The following AGMO variants were observed in gnomAD, a reference collection of about 807,000 sequenced individuals.
The protein encoded by AGMO is glyceryl-ether monooxygenase.
A neutral mutation model predicts 60.2 loss-of-function variants in AGMO; 75 were observed. That is an observed-to-expected ratio of 1.25 (90% CI 1.03 to 1.51). The LOEUF (loss-of-function observed/expected upper bound fraction) is 1.51. Ranked by LOEUF, AGMO falls within the 40% of genes most tolerant of loss-of-function variation. AGMO has a pLI of 0.00. For synonymous variants in AGMO, 261 were observed against 177.1 expected, an observed-to-expected ratio of 1.47 and a Z score of -3.76; for missense variants, 763 against 525.5, an observed-to-expected ratio of 1.45 and a Z score of -4.42.
chr7:15,273,287 C>T (rs1336333713), intron 12 of AGMO, among the ~76,000 whole-genome samples: 1 of 152,100 alleles, frequency 6.6e-6, no homozygotes, highest in Non-Finnish European at 1.5e-5. Flanking sequence ...TTCAATCCAC[C>T]TTGAATTAAT....
chr7:15,493,365 C>CACACA (rs1783125333), intron 3 of AGMO, among the ~76,000 whole-genome samples: 2 of 66,652 alleles, frequency 3.0e-5, no homozygotes, highest in Non-Finnish European at 5.4e-5. Context: ...ACACACACTT[C>CACACA]TTTTTTTTTT....
At position 15,247,744 on chromosome 7, in the gene AGMO, G is replaced by A. The variant is rs987573065; in HGVS notation, c.1264-46385C>T. Among the ~76,000 whole-genome samples, 11 of 151,934 alleles carry A rather than the reference G, an allele frequency of 7.2e-5. No individual in the cohort carries two copies. In the South Asian group the frequency reaches 1.5e-3, roughly 20 times the overall value. ...TTATTATATACTTTAAATACTACCA[G>A]TGAAAGATTTAATTATTCATTTTTT... On this transcript the variant is annotated intron_variant, in intron 12 of 12. Transcript: ENST00000342526.
At chr7:15,418,702 A>G (rs1448087540) in intron 4 of AGMO, 49 bp from the exon 5 acceptor site, 5 of 1,128,780 alleles carry the variant, frequency 4.4e-6, no homozygotes, top group African/African-American at 3.2e-5. Flanking sequence ...TGAATTCTCA[A>G]TGCTTTGTTA....
chr7:15,375,445 G>A (rs1464042617), intron 10 of AGMO, among the ~76,000 whole-genome samples: 1 of 139,990 alleles, frequency 7.1e-6, no homozygotes, highest in East Asian at 2.1e-4. Flanking sequence ...GCCTAGGCTG[G>A]AGTGCAGTAG....
At chr7:15,300,707 A>T (rs957075934) in intron 12 of AGMO, among the ~76,000 whole-genome samples, 16 of 152,166 alleles carry the variant, frequency 1.1e-4, no homozygotes, top group Non-Finnish European at 2.2e-4. Context: ...TTCTACCGCT[A>T]ACTGGCATGA....
chr7:15,331,411 AATAT>A (rs1563091688), intron 12 of AGMO, among the ~76,000 whole-genome samples: 1 of 152,174 alleles, frequency 6.6e-6, no homozygotes, highest in African/African-American at 2.4e-5. Flanking sequence ...AAAATGAAAA[AATAT>A]ATATAATGAG....
At chr7:15,255,884 A>ACAG (rs1476816428) in intron 12 of AGMO, among the ~76,000 whole-genome samples, 7 of 152,360 alleles carry the variant, frequency 4.6e-5, no homozygotes, top group African/African-American at 1.7e-4. Context: ...TGAAATAAAG[A>ACAG]CAGCAAGACG....
chr7:15,511,544 A>G (rs1003907459), intron 3 of AGMO, among the ~76,000 whole-genome samples: 2 of 152,106 alleles, frequency 1.3e-5, no homozygotes, highest in African/African-American at 4.8e-5. Context: ...TATAAGATGG[A>G]TAAGTTCAGG....
At chr7:15,321,095 A>T (rs1781094580) in intron 12 of AGMO, among the ~76,000 whole-genome samples, 1 of 152,160 alleles carries the variant, frequency 6.6e-6, no homozygotes, top group South Asian at 2.1e-4. Context: ...TGAAGTTCAA[A>T]AGCTCCAAAA....
the AGMO span, among the ~76,000 whole-genome samples, chr7:15,169,686 C>G: frequency 1.3e-5 from 2 of 152,156 alleles, no homozygotes; most frequent in African/African-American, 4.8e-5. Flanking sequence ...ATCCACCTGC[C>G]TCAGCCTCCC....
chr7:15,391,837 G>A (rs959758986), intron 6 of AGMO, among the ~76,000 whole-genome samples: 5 of 152,140 alleles, frequency 3.3e-5, no homozygotes, highest in Non-Finnish European at 4.4e-5. Context: ...CCTGGGAGGG[G>A]ATCCTAATGA....
intron 12 of AGMO, among the ~76,000 whole-genome samples, chr7:15,278,994 G>A (rs79943168): frequency 7.2e-5 from 11 of 152,108 alleles, no homozygotes; most frequent in Admixed American, 6.5e-4. Context: ...AGTTGTCTTT[G>A]AGTCACATGA....
chr7:15,323,675 A>T, intron 12 of AGMO, among the ~76,000 whole-genome samples: 2 of 152,272 alleles, frequency 1.3e-5, no homozygotes, highest in Middle Eastern at 6.8e-3. Context: ...GCAGTGCATG[A>T]CTTTTGCCAG....
At chr7:15,521,047 A>G (rs530812525) in intron 3 of AGMO, among the ~76,000 whole-genome samples, 2 of 152,202 alleles carry the variant, frequency 1.3e-5, no homozygotes, top group Non-Finnish European at 2.9e-5. Context: ...ACAAACTACC[A>G]TCAAAGAATA....
At chr7:15,544,231 G>T (rs892391867) in intron 3 of AGMO, among the ~76,000 whole-genome samples, 4 of 151,116 alleles carry the variant, frequency 2.6e-5, no homozygotes, top group Admixed American at 2.0e-4. Context: ...AGAGGGTGGG[G>T]GTGGCAAAGG....
At position 15,486,206 on chromosome 7, in the gene AGMO, T is replaced by C. The variant is rs181403025; in HGVS notation, c.410-55098A>G. ...GGCTATAACATTAGTGTTCAGTATCTAGCTCTATCAGCAAGCTCAGTGGGT... is the reference window on the plus strand; with the variant it reads ...GGCTATAACATTAGTGTTCAGTATCCAGCTCTATCAGCAAGCTCAGTGGGT... On this transcript the variant is annotated intron_variant, in intron 3 of 12. Coordinates refer to ENST00000342526, the MANE Select transcript of AGMO (RefSeq NM_001004320.2). 3.9e-5 allele frequency among the ~76,000 whole-genome samples: 6 copies of C among 152,244 alleles called. No homozygotes were observed. The East Asian group carries it at 1.2e-3, about 30-fold the overall frequency.
At chr7:15,463,239 G>A (rs997220933) in intron 3 of AGMO, among the ~76,000 whole-genome samples, 5 of 152,114 alleles carry the variant, frequency 3.3e-5, no homozygotes, top group Admixed American at 2.6e-4. Flanking sequence ...GTTCTTGCTT[G>A]TCATAAGTAG....
intron 12 of AGMO, among the ~76,000 whole-genome samples, chr7:15,218,358 T>TGTGC (rs1271142887): frequency 6.6e-6 from 1 of 151,430 alleles, no homozygotes; most frequent in Non-Finnish European, 1.5e-5. Flanking sequence ...TGTGTGTGTG[T>TGTGC]GTGTATTTTG....
intron 3 of AGMO, among the ~76,000 whole-genome samples, chr7:15,486,554 A>C (rs1245605255): frequency 6.6e-6 from 1 of 152,202 alleles, no homozygotes; most frequent in Non-Finnish European, 1.5e-5. Flanking sequence ...AGAAAATTTA[A>C]ATGTAAGCAA....
Sources: allele counts gnomAD v4.1 joint callset (sites outside exome capture counted in the v4.1 genomes callset), GRCh38; gene constraint gnomAD v4.1.1; transcripts MANE v1.5; gene names NCBI Gene and HGNC (gene_info 2026-07-23, HGNC 2026-07-21).